SLC2A9: variants seen among roughly 807,000 people sequenced by gnomAD.
SLC2A9 encodes the protein solute carrier family 2 member 9, also known as solute carrier family 2, facilitated glucose transporter member 9.
In SLC2A9, 39 loss-of-function variants were observed where a neutral mutation model predicts 50.6. That is an observed-to-expected ratio of 0.77 (90% confidence interval 0.60 to 1.01). The LOEUF (loss-of-function observed/expected upper bound fraction) is 1.01. Among genes scored for constraint, SLC2A9 ranks in the 50% least tolerant of loss-of-function variants. The pLI is 0.00. For missense variants in SLC2A9, 686 were observed against 677.6 expected (o/e 1.01, Z -0.14); for synonymous variants, 324 against 276.9 (o/e 1.17, Z -1.69).
chr4:9,794,231 C>T (rs571455029), downstream of SLC2A9, among the ~76,000 whole-genome samples: 14 of 152,192 alleles, frequency 9.2e-5, no homozygotes, highest in Middle Eastern at 3.4e-3. Context: ...TCACTGCAAC[C>T]TCTGGCTCCT....
intron 8 of SLC2A9, among the ~76,000 whole-genome samples, chr4:9,898,248 T>C (rs1373026403): frequency 1.3e-5 from 2 of 152,114 alleles, no homozygotes; most frequent in African/African-American, 2.4e-5. Context: ...AATGATTGAA[T>C]GTATGTAAAA....
chr4:9,934,259 C>A (rs1746667683), intron 6 of SLC2A9, among the ~76,000 whole-genome samples: 1 of 152,190 alleles, frequency 6.6e-6, no homozygotes, highest in Non-Finnish European at 1.5e-5. Context: ...TGTCTGCCCA[C>A]TGTACCACTC....
intron 1 of SLC2A9, among the ~76,000 whole-genome samples, chr4:10,031,936 G>T (rs1239062041): frequency 6.6e-6 from 1 of 152,196 alleles, no homozygotes; most frequent in Non-Finnish European, 1.5e-5. Flanking sequence ...TGTTATCTGT[G>T]CTCTGACAGA....
chr4:9,973,160 T>C (rs1278688405), intron 5 of SLC2A9, among the ~76,000 whole-genome samples: 2 of 152,214 alleles, frequency 1.3e-5, no homozygotes, highest in Admixed American at 1.3e-4. Flanking sequence ...GAGACTATTA[T>C]GAACACTTCT....
intron 11 of SLC2A9, among the ~76,000 whole-genome samples, chr4:9,831,814 C>T (rs1327974992): frequency 1.3e-5 from 2 of 152,166 alleles, no homozygotes; most frequent in Non-Finnish European, 2.9e-5. Flanking sequence ...GTGAGCTTCT[C>T]ATGAGAGACT....
rs28592748 is a variant in SLC2A9, at chr4:9,996,981, T to C, written c.250-40A>G. On this transcript the variant is annotated intron_variant, in intron 2 of 11. Transcript: ENST00000264784. The stretch of plus-strand genomic sequence containing the variant: ...CAAACCATGTTATTTCCTTCTGTTC[T>C]CTCCTGCTGCTTGAAGCAAGCCAGT... 0.79 allele frequency: 1,277,640 copies of C among 1,610,022 alleles called. 508,420 individuals are homozygous for C. Among genetic ancestry groups the C allele is most frequent in the East Asian group, 0.98 (44,085 of 44,774 alleles).
At chr4:9,940,651 T>C (rs1747952382) in intron 6 of SLC2A9, among the ~76,000 whole-genome samples, 1 of 152,226 alleles carries the variant, frequency 6.6e-6, no homozygotes, top group South Asian at 2.1e-4. Flanking sequence ...CCTCAGTTTC[T>C]TCATCTGCAA....
At chr4:9,782,050 C>G (rs749506188) in intron 3 of SLC2A9, 13 of 1,480,352 alleles carry the variant, frequency 8.8e-6, no homozygotes, top group Non-Finnish European at 9.8e-6. Flanking sequence ...CAGGCAGCAA[C>G]GGCACCGCGT....
intron 10 of SLC2A9, among the ~76,000 whole-genome samples, chr4:9,861,044 C>T (rs1478296219): frequency 6.6e-6 from 1 of 152,182 alleles, no homozygotes; most frequent in African/African-American, 2.4e-5. Context: ...GACTTCTCTT[C>T]TGAGCACTTA....
intron 3 of SLC2A9, among the ~76,000 whole-genome samples, chr4:9,802,568 T>TC (rs1235199454): frequency 6.7e-5 from 10 of 150,054 alleles, no homozygotes; most frequent in Non-Finnish European, 1.3e-4. Context: ...TCTTTTTTTT[T>TC]TTTTTTTTTT....
intron 1 of SLC2A9, among the ~76,000 whole-genome samples, chr4:10,039,235 G>A (rs143985641): frequency 3.2e-4 from 48 of 152,288 alleles, no homozygotes; most frequent in African/African-American, 1.1e-3. Context: ...TGTAAGTGCC[G>A]CACACACTTA....
At chr4:9,813,620 G>C (rs1293980937) in intron 3 of SLC2A9, among the ~76,000 whole-genome samples, 1 of 152,140 alleles carries the variant, frequency 6.6e-6, no homozygotes, top group Non-Finnish European at 1.5e-5. Context: ...TGTAGTTAAG[G>C]ATCCCAGAGT....
At chr4:9,815,109 C>A (rs929117763) in intron 3 of SLC2A9, among the ~76,000 whole-genome samples, 1 of 152,156 alleles carries the variant, frequency 6.6e-6, no homozygotes, top group African/African-American at 2.4e-5. Context: ...TTGTCTCCAG[C>A]ATCATACACA....
At chr4:9,904,508 T>G (rs552343880) in intron 8 of SLC2A9, among the ~76,000 whole-genome samples, 6 of 152,152 alleles carry the variant, frequency 3.9e-5, no homozygotes, top group Non-Finnish European at 7.4e-5. Flanking sequence ...CAGGGTTAGC[T>G]CCCTATCTCA....
chr4:9,879,326 G>C (rs1366351167), intron 10 of SLC2A9: 2 of 985,204 alleles, frequency 2.0e-6, no homozygotes, highest in Non-Finnish European at 2.4e-6. Context: ...AGGGGAAATA[G>C]CACATGCAAA....
intron 10 of SLC2A9, among the ~76,000 whole-genome samples, chr4:9,848,023 T>C (rs1729252848): frequency 6.6e-6 from 1 of 152,106 alleles, no homozygotes; most frequent in East Asian, 1.9e-4. Context: ...GTGGGGAAAC[T>C]GAGGCTAGAG....
intron 4 of SLC2A9, among the ~76,000 whole-genome samples, chr4:9,981,756 C>T (rs947626545): frequency 3.0e-4 from 46 of 152,338 alleles, no homozygotes; most frequent in African/African-American, 1.1e-3. Flanking sequence ...ATGAAGAACA[C>T]TCCAGGAAGA....
chr4:10,038,506 C>CA (rs35698968), intron 1 of SLC2A9, among the ~76,000 whole-genome samples: 23,017 of 49,304 alleles, frequency 0.47, 6,836 homozygotes, highest in Non-Finnish European at 0.57. Context: ...GACTCTGTCT[C>CA]AAAAAAAAAA....
At chr4:9,997,487 G>A (rs1758890530) in intron 2 of SLC2A9, among the ~76,000 whole-genome samples, 1 of 152,142 alleles carries the variant, frequency 6.6e-6, no homozygotes, top group African/African-American at 2.4e-5. Context: ...GTCACTTGAG[G>A]CCAGGAGTTC....
Sources: gnomAD v4.1 joint callset for allele counts (sites outside exome capture counted in the v4.1 genomes callset) on GRCh38, gnomAD v4.1.1 for gene constraint, MANE v1.5 for transcripts, NCBI Gene and HGNC (gene_info 2026-07-23, HGNC 2026-07-21) for gene names.